The following UBE2J2 variants were observed in gnomAD, a reference collection of about 807,000 sequenced individuals.
UBE2J2 encodes ubiquitin conjugating enzyme E2 J2, also known as ubiquitin-conjugating enzyme E2 J2.
UBE2J2 carries 5 observed loss-of-function variants against 28.6 expected under a neutral mutation model. The observed-to-expected ratio is 0.17, with a 90% CI of 0.09 to 0.37. The LOEUF is 0.37. Among genes scored for constraint, UBE2J2 ranks in the 10% least tolerant of loss-of-function variants. The probability of loss-of-function intolerance (pLI) is 1.00; values close to 1 mark genes in which losing one functional copy is unlikely to be tolerated. For synonymous variants in UBE2J2, 138 were observed against 139.7 expected, an observed-to-expected ratio of 0.99 and a Z score of 0.09; for missense variants, 226 against 338.9, an observed-to-expected ratio of 0.67 and a Z score of 2.62.
Position 1,267,809 on chromosome 1 carries a change from G to A in UBE2J2, c.131+53C>T, listed in dbSNP as rs755438498. On this transcript the variant is annotated intron_variant, in intron 2 of 6. Transcript: ENST00000349431. ...GCTCGCCCAGCAGGGGCCGGCAGAG[G>A]CCTGCGTGGCAGCGACAGTCAGCGC... The A allele has an allele frequency of 3.1e-6, 5 of 1,599,176 alleles. No homozygotes were observed. In the African/African-American group the frequency reaches 4.0e-5, roughly 13 times the overall value.
Position 1,256,086 on chromosome 1 carries a change from T to C in UBE2J2, c.454A>G (p.Lys152Glu). ...LAVQSLAFNL[K>E]DKVFCELFPE... is the part of the protein sequence containing the mutation. ...AATAATTCACAAAAGACTTTATCTT[T>C]CAAATTAAATGCTAAACTCTGCACT... is the stretch of plus-strand genomic sequence containing the variant. The change falls in exon 6 of 7, where the codon AAA becomes GAA. Residue 152 changes from lysine (K) to glutamate (E), a missense_variant. This residue lies in a region of UBE2J2 where 133 missense variants were observed against 161.5 expected (regional missense o/e 0.82). Transcript: ENST00000349431. 1.2e-6 allele frequency: 2 copies of C among 1,613,804 alleles called. No individual in the cohort carries two copies. Among genetic ancestry groups the C allele is most frequent in the Non-Finnish European group, 1.7e-6 (2 of 1,179,754 alleles).
At chr1:1,256,187 A>C (rs1405077503) in intron 5 of UBE2J2, 62 bp from the exon 6 acceptor site, 3 of 1,281,806 alleles carry the variant, frequency 2.3e-6, no homozygotes, top group Non-Finnish European at 3.4e-6. Flanking sequence ...AGATTCTAAA[A>C]ACAGATGATT....
intron 5 of UBE2J2, 95 bp downstream of exon 5, chr1:1,256,888 GAAAAAAAAA>G (rs57305655): frequency 1.4e-4 from 74 of 513,870 alleles, no homozygotes; most frequent in Non-Finnish European, 1.8e-4. Context: ...TCCGTCTCAA[GAAAAAAAAA>G]AAAAAAAAAA....
chr1:1,263,918 G>A (rs1049105163), intron 2 of UBE2J2, among the ~76,000 whole-genome samples: 12 of 152,144 alleles, frequency 7.9e-5, no homozygotes, highest in African/African-American at 2.9e-4. Flanking sequence ...CTTGAGCCCA[G>A]GAGTTTAAGG....
At chr1:1,263,462 G>A (rs1639676100) in intron 2 of UBE2J2, 76 bp from the exon 3 acceptor site, 1 of 1,378,666 alleles carries the variant, frequency 7.3e-7, no homozygotes, top group Non-Finnish European at 1.0e-6. Flanking sequence ...CAAGCCTGGG[G>A]TTTATAGAAC....
chr1:1,263,218 G>T, intron 3 of UBE2J2, 128 bp downstream of exon 3: 2 of 863,102 alleles, frequency 2.3e-6, no homozygotes, highest in Non-Finnish European at 3.9e-6. Flanking sequence ...TTCCAACTAA[G>T]CCAATTTAAC....
At position 1,267,888 on chromosome 1, in the gene UBE2J2, C is replaced by T; in HGVS notation, c.105G>A (p.Glu35=). The T allele has an allele frequency of 1.2e-6, 2 of 1,614,092 alleles. No homozygotes were observed. Among genetic ancestry groups the T allele is most frequent in the South Asian group, 1.1e-5 (1 of 91,082 alleles). ...ACTCGAGAATATTCGAAGGGAGGGG[C>T]TCGGCACAGATGTAAGGCACCGGGT... ...KKDPVPYICA[E]PLPSNILEWH... is the part of the protein sequence containing the mutation. Residue 35 remains glutamate (E), a synonymous_variant, in exon 2 of 7, where the codon GAG becomes GAA. Transcript: ENST00000349431.
chr1:1,268,736 C>T lies in UBE2J2; in HGVS notation c.1-744G>A, dbSNP rs141248525. On this transcript the variant is annotated intron_variant, in intron 1 of 6. Transcript: ENST00000349431. This position sits in a 1 kb window ranked among gnomAD's most constrained non-coding sequence, Gnocchi z 4.7. ...TTCGTGAGACAGGGTCTTGCTCTGT[C>T]GCCCAGGCTGGAGTCACTGTGGCCT... is the stretch of plus-strand genomic sequence containing the variant. Among the ~76,000 whole-genome samples, 3 of 152,318 alleles carry T rather than the reference C, an allele frequency of 2.0e-5. No individual in the cohort carries two copies. The highest frequency in any genetic ancestry group is 6.5e-5 in the Admixed American group (1 of 15,306).
In UBE2J2 at chr1:1,256,035, T is replaced by A; in HGVS notation, c.495+10A>T. On this transcript the variant is annotated intron_variant, in intron 6 of 6. Coordinates refer to ENST00000349431, the MANE Select transcript of UBE2J2 (RefSeq NM_058167.3). ...CAGGGGAAGGCGAAACCCACTTCCG[T>A]CTTTCTTACCTCCACGACTTCAGGA... 3 of 1,599,164 alleles carry A rather than the reference T, an allele frequency of 1.9e-6. No individual in the cohort carries two copies. The highest frequency in any genetic ancestry group is 2.6e-6 in the Non-Finnish European group (3 of 1,166,874).
In UBE2J2 at chr1:1,268,065, A is replaced by C. The variant is rs2100213538; in HGVS notation, c.1-73T>G. On this transcript the variant is annotated intron_variant, in intron 1 of 6. Transcript: ENST00000349431. This position sits in a 1 kb window ranked among gnomAD's most constrained non-coding sequence, Gnocchi z 4.7. The stretch of plus-strand genomic sequence containing the variant: ...CAGCTCTCTCCCCTGGCGCAGCCCC[A>C]CTCCCGCCTCTGCAGCCCGCCATTC... 16 of 1,559,252 alleles carry C rather than the reference A, an allele frequency of 1.0e-5. No homozygotes were observed. Among genetic ancestry groups the C allele is most frequent in the South Asian group, 4.6e-5 (4 of 87,238 alleles).
At chr1:1,267,249 G>A (rs1328513234) in intron 2 of UBE2J2, among the ~76,000 whole-genome samples, 1 of 152,094 alleles carries the variant, frequency 6.6e-6, no homozygotes, top group African/African-American at 2.4e-5. Flanking sequence ...TTTCGACAGA[G>A]CAGTATGCAC....
rs776991861 is a variant in UBE2J2, at chr1:1,255,298, G to A, written c.685C>T (p.Leu229=). 2 of 1,613,590 alleles carry A rather than the reference G, an allele frequency of 1.2e-6. No individual in the cohort carries two copies. The highest frequency in any genetic ancestry group is 4.5e-5 in the East Asian group (2 of 44,898). The change falls in exon 7 of 7, where the codon CTG becomes TTG. Residue 229 remains leucine (L), a synonymous_variant. Transcript: ENST00000349431. ...LQQANRHHGL[L]GGALANLFVI... ...AACAAGTTCGCCAGGGCGCCACCCA[G>A]GAGTCCGTGGTGCCGGTTGGCCTGC... is the stretch of plus-strand genomic sequence containing the variant.
At chr1:1,265,267 G>C (rs540125012) in intron 2 of UBE2J2, among the ~76,000 whole-genome samples, 1 of 152,302 alleles carries the variant, frequency 6.6e-6, no homozygotes, top group African/African-American at 2.4e-5. Context: ...GACCTGCCAG[G>C]GGCTCTCGCA....
chr1:1,265,227 C>T (rs182283117), intron 2 of UBE2J2, among the ~76,000 whole-genome samples: 5 of 152,320 alleles, frequency 3.3e-5, no homozygotes, highest in Admixed American at 2.6e-4. Flanking sequence ...AAGCAGTCTT[C>T]TCTCGGGGAA....
chr1:1,271,352 C>G (rs1640133187), intron 1 of UBE2J2, among the ~76,000 whole-genome samples: 1 of 152,264 alleles, frequency 6.6e-6, no homozygotes, highest in South Asian at 2.1e-4. Context: ...AGCTAACACT[C>G]TGCCATATAC....
At chr1:1,259,868 G>A (rs1422762686) in intron 3 of UBE2J2, among the ~76,000 whole-genome samples, 1 of 152,146 alleles carries the variant, frequency 6.6e-6, no homozygotes, top group Non-Finnish European at 1.5e-5. Context: ...AGAACGCCCT[G>A]GACCCAATAA....
In UBE2J2 at chr1:1,254,018, G is replaced by C. The variant is rs1001584879; in HGVS notation, c.*1185C>G. On this transcript the variant is annotated 3_prime_UTR_variant, in exon 7 of 7. Coordinates refer to ENST00000349431, the MANE Select transcript of UBE2J2 (RefSeq NM_058167.3). ...ATTCTGAATAAACTGATCAAAAAAC[G>C]AAGAAAGATGAGCGCGTGCGGGCTG... 1 of 152,190 alleles carries C rather than the reference G, an allele frequency of 6.6e-6. No homozygotes were observed. The highest frequency in any genetic ancestry group is 2.4e-5 in the African/African-American group (1 of 41,448). 9.4% of individuals were successfully genotyped at this position (152,190 alleles called of 1,614,324 possible). A position where few individuals can be genotyped will look rare whatever the true frequency, so the allele number is the denominator to read the frequency against.
At chr1:1,269,033 G>A (rs1640017131) in intron 1 of UBE2J2, among the ~76,000 whole-genome samples, 1 of 152,218 alleles carries the variant, frequency 6.6e-6, no homozygotes, top group South Asian at 2.1e-4. Flanking sequence ...TGTTAGGAAA[G>A]TCACTCTGGT....
chr1:1,256,654 G>A (rs539138470), intron 5 of UBE2J2, among the ~76,000 whole-genome samples: 7 of 152,074 alleles, frequency 4.6e-5, no homozygotes, highest in East Asian at 1.9e-4. Flanking sequence ...AGGCCCAGGC[G>A]GGCGGATCAC....
Sources: gnomAD v4.1 joint callset for allele counts (sites outside exome capture counted in the v4.1 genomes callset) on GRCh38, gnomAD v4.1.1 for gene constraint, gnomAD v4.1.1 regional missense constraint, Gnocchi (gnomAD v3.1) non-coding constraint, MANE v1.5 for transcripts, NCBI Gene and HGNC (gene_info 2026-07-23, HGNC 2026-07-21) for gene names.